SRP19: variants seen among roughly 807,000 people sequenced by gnomAD.
SRP19 encodes the protein signal recognition particle 19 kDa protein.
Under a neutral mutation model 22.4 loss-of-function variants are expected in SRP19, and 11 were observed. That is an observed-to-expected ratio of 0.49 (90% confidence interval 0.31 to 0.81). The LOEUF (loss-of-function observed/expected upper bound fraction) is 0.81. SRP19 is among the 40% of genes least tolerant of loss of function. The probability of loss-of-function intolerance (pLI) is 0.05; values close to 1 mark genes in which losing one functional copy is unlikely to be tolerated. For missense variants in SRP19, 168 were observed against 175.9 expected, an observed-to-expected ratio of 0.96 and a Z score of 0.25; for synonymous variants, 61 against 57.6, an observed-to-expected ratio of 1.06 and a Z score of -0.27.
chr5:112,877,999 G>C (rs2150031948), intron 4 of SRP19: 1 of 146,146 alleles, frequency 6.8e-6, no homozygotes, highest in East Asian at 2.0e-4. Flanking sequence ...GTGTGTGTGT[G>C]TGTGTGTGTG....
intron 4 of SRP19, among the ~76,000 whole-genome samples, chr5:112,866,728 T>C (rs1057390624): frequency 1.1e-4 from 16 of 152,236 alleles, no homozygotes; most frequent in African/African-American, 1.7e-4. Context: ...TATTCTGATA[T>C]GTTTTTTCTC....
At chr5:112,871,054 A>G (rs1052868576), downstream of SRP19, among the ~76,000 whole-genome samples, 1 of 152,080 alleles carries the variant, frequency 6.6e-6, no homozygotes, top group African/African-American at 2.4e-5. Context: ...GGGTTTCACC[A>G]TGTTGGCCAG....
chr5:112,893,240 T>C (rs540891421), downstream of SRP19: 8 of 310,486 alleles, frequency 2.6e-5, no homozygotes, highest in Admixed American at 2.8e-4. Flanking sequence ...CAAAACCCCA[T>C]TTCTACTAAA....
chr5:112,892,747 GAGA>G (rs1561651369), exon 5 of SRP19: 4 of 1,614,014 alleles, frequency 2.5e-6, no homozygotes, highest in Admixed American at 1.7e-5. Flanking sequence ...CGAGAGGAGG[GAGA>G]AGATGGGCCA....
exon 5 of SRP19, chr5:112,891,680 C>A: frequency 6.2e-7 from 1 of 1,613,702 alleles, no homozygotes. Flanking sequence ...AAGAAGATGA[C>A]ATTTCCAGAG....
downstream of SRP19, among the ~76,000 whole-genome samples, chr5:112,873,826 C>T (rs893969251): frequency 4.0e-5 from 6 of 151,438 alleles, no homozygotes; most frequent in African/African-American, 1.5e-4. Context: ...AGCTTTGTTT[C>T]GGTTGCTGGT....
chr5:112,880,297 C>G lies in SRP19; in HGVS notation c.302-11306C>G, dbSNP rs916422020. On this transcript the variant is annotated intron_variant, in intron 4 of 4. Coordinates refer to the SRP19 transcript ENST00000391338. The stretch of plus-strand genomic sequence containing the variant: ...TTCTTACTTCTGCAGGAGACCAAGC[C>G]TTCCACTTTCTAATTACCAAGTGGC... 2.6e-5 allele frequency among the ~76,000 whole-genome samples: 4 copies of G among 152,172 alleles called. No individual in the cohort carries two copies. In the East Asian group the frequency reaches 7.7e-4, roughly 29 times the overall value.
chr5:112,886,709 T>C (rs544189427), intron 4 of SRP19, among the ~76,000 whole-genome samples: 1 of 152,184 alleles, frequency 6.6e-6, no homozygotes, highest in Non-Finnish European at 1.5e-5. Context: ...AAATAAACAA[T>C]TAGAAGAGAT....
intron 4 of SRP19, among the ~76,000 whole-genome samples, chr5:112,879,338 TG>T (rs1580725553): frequency 2.4e-3 from 5 of 2,058 alleles, no homozygotes; most frequent in South Asian, 0.017. Flanking sequence ...GGGGGGGGGC[TG>T]GGGGGGCGGT....
chr5:112,884,694 C>T (rs893705721), intron 4 of SRP19, among the ~76,000 whole-genome samples: 28 of 151,326 alleles, frequency 1.9e-4, no homozygotes, highest in Admixed American at 1.2e-3. Flanking sequence ...TCCTTTACTA[C>T]TATTGAGTCT....
chr5:112,881,993 A>AACACCTG, intron 4 of SRP19: 1 of 152,616 alleles, frequency 6.6e-6, no homozygotes, highest in Non-Finnish European at 1.5e-5. Flanking sequence ...GCTGGTCTCA[A>AACACCTG]ACACCTGAGC....
intron 4 of SRP19, chr5:112,878,428 G>A (rs1007592022): frequency 4.5e-6 from 1 of 220,028 alleles, no homozygotes; most frequent in Non-Finnish European, 9.0e-6. Flanking sequence ...TATCCTAAAT[G>A]TAACTACAGA....
intron 4 of SRP19, among the ~76,000 whole-genome samples, chr5:112,875,323 C>T (rs768854221): frequency 2.0e-5 from 3 of 151,888 alleles, no homozygotes; most frequent in African/African-American, 4.8e-5. Context: ...TGTAGGTGAC[C>T]GTGCGGACCA....
Position 112,867,570 on chromosome 5 carries a change from G to A in SRP19, c.*33G>A. The stretch of plus-strand genomic sequence containing the variant: ...TCAGCATCAAGTATGTGGTACTACT[G>A]TAAGAGACATGAATGGAGACTTCTA... On this transcript the variant is annotated 3_prime_UTR_variant, in exon 5 of 5. Transcript: ENST00000505459. 6.4e-7 allele frequency: 1 copy of A among 1,556,866 alleles called. No individual in the cohort carries two copies.
intron 4 of SRP19, among the ~76,000 whole-genome samples, chr5:112,891,373 A>G (rs113871055): frequency 2.0e-5 from 3 of 152,128 alleles, no homozygotes; most frequent in African/African-American, 7.2e-5. Context: ...GCACCTGGCC[A>G]TAAGTAAATA....
At chr5:112,898,282 A>G (rs1768753313) in exon 4 of SRP19, 1 of 152,182 alleles carries the variant, frequency 6.6e-6, no homozygotes, top group African/African-American at 2.4e-5. Flanking sequence ...GGAAGAAAGT[A>G]TTTTGATTGA....
chr5:112,867,442 A>G lies in SRP19; in HGVS notation c.340A>G (p.Lys114Glu). 5 of 1,614,048 alleles carry G rather than the reference A, an allele frequency of 3.1e-6. No homozygotes were observed. Among genetic ancestry groups the G allele is most frequent in the Non-Finnish European group, 4.2e-6 (5 of 1,179,962 alleles). ...VMLYAAEMIP[K>E]LKTRTQKTGG... ...GTTGTATGCAGCAGAAATGATACCT[A>G]AACTAAAAACAAGGACACAAAAAAC... The change falls in exon 5 of 5, where the codon AAA (lysine) becomes GAA (glutamate). Residue 114 changes from lysine to glutamate, a missense_variant. Physicochemically the swap from Lys to Glu is moderately conservative, Grantham distance 56 (BLOSUM62 1). Transcript: ENST00000505459.
exon 5 of SRP19, chr5:112,892,518 C>T (rs753295182): frequency 3.3e-5 from 54 of 1,614,058 alleles, no homozygotes; most frequent in South Asian, 1.8e-4. Flanking sequence ...CTCTGTTTAA[C>T]GGACGATGGT....
In SRP19 at chr5:112,867,851, A is replaced by C. The variant is rs1354964111; in HGVS notation, c.*314A>C. On this transcript the variant is annotated 3_prime_UTR_variant, in exon 5 of 5. Transcript: ENST00000505459. ...GTTGTTTCAGATAAATTTCAATTAG[A>C]TTTAAAATAAACATTTTGTCCACCT... 1 of 1,033,054 alleles carries C rather than the reference A, an allele frequency of 9.7e-7. No homozygotes were observed. Among genetic ancestry groups the C allele is most frequent in the African/African-American group, 1.7e-5 (1 of 59,314 alleles). 64.0% of individuals were successfully genotyped at this position (1,033,054 alleles called of 1,614,324 possible). A position where few individuals can be genotyped will look rare whatever the true frequency, so the allele number is the denominator to read the frequency against.
Sources: allele counts gnomAD v4.1 joint callset (sites outside exome capture counted in the v4.1 genomes callset), GRCh38; gene constraint gnomAD v4.1.1; transcripts MANE v1.5; gene names NCBI Gene and HGNC (gene_info 2026-07-23, HGNC 2026-07-21).